The following MEF2C variants were observed in gnomAD, a reference collection of about 807,000 sequenced individuals.
The protein encoded by MEF2C is myocyte enhancer factor 2C.
Under a neutral mutation model 50.5 loss-of-function variants are expected in MEF2C, and 6 were observed. That is an observed-to-expected ratio of 0.12 (90% CI 0.07 to 0.23). The LOEUF (loss-of-function observed/expected upper bound fraction) is 0.23. Ranked by LOEUF, MEF2C falls within the 10% of genes least tolerant of loss-of-function variation. The pLI is 1.00. For synonymous variants in MEF2C, 183 were observed against 228.0 expected, an observed-to-expected ratio of 0.80 and a Z score of 1.78; for missense variants, 276 against 605.0, an observed-to-expected ratio of 0.46 and a Z score of 5.70.
intron 1 of MEF2C, among the ~76,000 whole-genome samples, chr5:88,864,354 C>A (rs1428850751): frequency 1.3e-5 from 2 of 151,480 alleles, no homozygotes; most frequent in Admixed American, 6.6e-5. Flanking sequence ...TCACATTTAT[C>A]TTCTTTTAAC....
intron 1 of MEF2C, among the ~76,000 whole-genome samples, chr5:88,899,330 C>G (rs1232182766): frequency 6.6e-6 from 1 of 152,072 alleles, no homozygotes; most frequent in African/African-American, 2.4e-5. Context: ...TAGGGTGGGG[C>G]CCAGTCATTG....
chr5:88,812,431 GTTTTA>G (rs950408446), intron 2 of MEF2C, among the ~76,000 whole-genome samples: 4 of 151,942 alleles, frequency 2.6e-5, no homozygotes, highest in Non-Finnish European at 5.9e-5. Flanking sequence ...TCACATACTT[GTTTTA>G]TTTTATTTTT....
chr5:88,749,049 C>T (rs1451422638), intron 6 of MEF2C, 21 bp downstream of exon 6: 6 of 1,564,230 alleles, frequency 3.8e-6, no homozygotes, highest in Non-Finnish European at 5.2e-6. Context: ...ATACATACTG[C>T]AGTATGGAGT....
At chr5:88,875,752 A>C (rs975574350) in intron 1 of MEF2C, among the ~76,000 whole-genome samples, 7 of 152,014 alleles carry the variant, frequency 4.6e-5, no homozygotes, top group Non-Finnish European at 8.8e-5. Context: ...CCCAGGAAGA[A>C]GGCCCTCTGT....
chr5:88,873,700 C>A (rs1830205028), intron 1 of MEF2C, among the ~76,000 whole-genome samples: 1 of 127,110 alleles, frequency 7.9e-6, no homozygotes, highest in Non-Finnish European at 1.6e-5. Flanking sequence ...CTATCAATGT[C>A]GTCACGGATT....
In MEF2C at chr5:88,795,143, T is replaced by C. The variant is rs184858011; in HGVS notation, c.258+9455A>G. Among the ~76,000 whole-genome samples the C allele has an allele frequency of 7.2e-3, 1,089 of 152,296 alleles. 14 individuals carry two copies. Among genetic ancestry groups the C allele is most frequent in the African/African-American group, 0.025 (1,052 of 41,564 alleles). On this transcript the variant is annotated intron_variant, in intron 3 of 10. Transcript: ENST00000504921. ...CTATACGGGCTCTTTTTTGGTTCCA[T>C]ATGAAATTTAAAGTAGTTTTTTTCT...
chr5:88,810,756 C>T lies in MEF2C; in HGVS notation c.55-5955G>A, dbSNP rs1802435167. On this transcript the variant is annotated intron_variant, in intron 2 of 10. Transcript: ENST00000504921. The stretch of plus-strand genomic sequence containing the variant: ...CCATAGAATTCAGTACTTTTCCCAT[C>T]CCAGGAGACATTTTTGTCATTGGTT... 2.0e-5 allele frequency among the ~76,000 whole-genome samples: 3 copies of T among 152,156 alleles called. No homozygotes were observed. In the South Asian group the frequency reaches 6.2e-4, roughly 32 times the overall value.
At chr5:88,750,399 G>A (rs1317112235) in intron 5 of MEF2C, among the ~76,000 whole-genome samples, 1 of 151,784 alleles carries the variant, frequency 6.6e-6, no homozygotes, top group Non-Finnish European at 1.5e-5. Context: ...GTAGAGATGG[G>A]GTTTCTCTAT....
intron 1 of MEF2C, among the ~76,000 whole-genome samples, chr5:88,831,423 TA>T (rs1250061207): frequency 6.6e-6 from 1 of 151,430 alleles, no homozygotes; most frequent in Non-Finnish European, 1.5e-5. Flanking sequence ...AATATTATGT[TA>T]AATGATTGAA....
intron 3 of MEF2C, among the ~76,000 whole-genome samples, chr5:88,777,411 T>A (rs35788185): frequency 0.11 from 16,105 of 152,114 alleles, 1,100 homozygotes; most frequent in Non-Finnish European, 0.15. Flanking sequence ...AATCTACAGA[T>A]GAAAAAAAGA....
intron 6 of MEF2C, chr5:88,734,591 T>G (rs2152324133): frequency 1.0e-6 from 1 of 970,380 alleles, no homozygotes; most frequent in African/African-American, 1.8e-5. Flanking sequence ...TTTTTTTTTT[T>G]TTTTTTTAGC....
In MEF2C at chr5:88,772,979, C is replaced by G. The variant is rs1345198667; in HGVS notation, c.259-11651G>C. 4 of 867,930 alleles carry G rather than the reference C, an allele frequency of 4.6e-6. No individual in the cohort carries two copies. In the African/African-American group the frequency reaches 7.3e-5, roughly 16 times the overall value. The allele number at this position is 867,930 out of a possible 1,614,324, so 53.8% of individuals were successfully genotyped here. ...ACTGTTAACACATACTGCTCAATAC[C>G]CATATTGTTCTGATTAGAGAAAAGT... is the stretch of plus-strand genomic sequence containing the variant. On this transcript the variant is annotated intron_variant, in intron 3 of 10. Coordinates refer to ENST00000504921, the MANE Select transcript of MEF2C (RefSeq NM_002397.5).
chr5:88,872,765 T>C (rs1002183576), intron 1 of MEF2C, among the ~76,000 whole-genome samples: 1 of 152,004 alleles, frequency 6.6e-6, no homozygotes, highest in East Asian at 1.9e-4. Flanking sequence ...TACTGGGGCT[T>C]TCTGGTCATT....
chr5:88,801,925 G>A (rs1432695028), intron 3 of MEF2C, among the ~76,000 whole-genome samples: 3 of 152,112 alleles, frequency 2.0e-5, no homozygotes, highest in Admixed American at 6.5e-5. Context: ...CAAGCTTAGC[G>A]GTCCCATCTT....
chr5:88,778,660 A>G (rs987964653), intron 3 of MEF2C, among the ~76,000 whole-genome samples: 1 of 152,172 alleles, frequency 6.6e-6, no homozygotes, highest in African/African-American at 2.4e-5. Flanking sequence ...TTGTTGAAAA[A>G]CATGCACATA....
chr5:88,784,349 C>T (rs1789743328), intron 3 of MEF2C, among the ~76,000 whole-genome samples: 1 of 152,164 alleles, frequency 6.6e-6, no homozygotes. Context: ...TATCTGTTTA[C>T]TGTAACAAAA....
At chr5:88,735,194 T>TCCTCCTCACTC in intron 6 of MEF2C, 1 of 985,354 alleles carries the variant, frequency 1.0e-6, no homozygotes, top group Non-Finnish European at 1.2e-6. Flanking sequence ...AACCGCAGCC[T>TCCTCCTCACTC]CCTCCTCACT....
chr5:88,881,414 A>G (rs1016645137), intron 1 of MEF2C: 1 of 152,196 alleles, frequency 6.6e-6, no homozygotes, highest in Non-Finnish European at 1.5e-5. Flanking sequence ...TAACTGCATT[A>G]TCTTTAGTTG....
At chr5:88,801,242 T>C (rs1393944366) in intron 3 of MEF2C, among the ~76,000 whole-genome samples, 6 of 152,176 alleles carry the variant, frequency 3.9e-5, no homozygotes, top group Non-Finnish European at 8.8e-5. Context: ...ATAAAACTAA[T>C]GACCCTTCAT....
Sources: allele counts gnomAD v4.1 joint callset (sites outside exome capture counted in the v4.1 genomes callset), GRCh38; gene constraint gnomAD v4.1.1; transcripts MANE v1.5; gene names NCBI Gene and HGNC (gene_info 2026-07-23, HGNC 2026-07-21).